The following SERPINE2 variants were observed in gnomAD, a reference collection of about 807,000 sequenced individuals.
SERPINE2 encodes the protein glia-derived nexin.
SERPINE2 carries 14 observed loss-of-function variants against 36.3 expected under a neutral mutation model. That is an observed-to-expected ratio of 0.39 (90% CI 0.25 to 0.60). The LOEUF is 0.60. Ranked by LOEUF, SERPINE2 falls within the 20% of genes least tolerant of loss-of-function variation. The pLI, the probability that SERPINE2 is intolerant of heterozygous loss-of-function variation, is 0.57. For missense variants in SERPINE2, 418 were observed against 499.6 expected (o/e 0.84, Z 1.56); for synonymous variants, 192 against 191.8 (o/e 1.00, Z -0.01).
chr2:223,979,939 C>T (rs1353425404), intron 7 of SERPINE2: 2 of 159,522 alleles, frequency 1.3e-5, no homozygotes, highest in Admixed American at 1.3e-4. Context: ...TATTGGAACA[C>T]AGCCACATCT....
At position 224,015,408 on chromosome 2, in the gene SERPINE2, T is replaced by TG. The variant is rs1453797293; in HGVS notation, c.-22-13487dup. On this transcript the variant is annotated intron_variant, in intron 1 of 8. Transcript: ENST00000409304. ...CATTGGAGGATGGACTGGAAGTGAC[T>TG]GGACAAAGGGGCGGAGAGATGGAAG... Among the ~76,000 whole-genome samples, 4 of 152,292 alleles carry TG rather than the reference T, an allele frequency of 2.6e-5. No homozygotes were observed. In the East Asian group the frequency reaches 7.7e-4, roughly 29 times the overall value.
chr2:224,031,035 C>A, intron 1 of SERPINE2: 1 of 985,322 alleles, frequency 1.0e-6, no homozygotes, highest in East Asian at 1.1e-4. Context: ...AGGGCTATCA[C>A]GCAGCACGGC....
intron 2 of SERPINE2, among the ~76,000 whole-genome samples, chr2:223,999,045 T>G (rs1291469208): frequency 6.6e-6 from 1 of 152,218 alleles, no homozygotes; most frequent in Non-Finnish European, 1.5e-5. Context: ...TGTCTAACGT[T>G]ATTAAGTGCT....
At position 223,991,868 on chromosome 2, in the gene SERPINE2, A is replaced by T; in HGVS notation, c.620T>A (p.Phe207Tyr). ...FQPENTKKRTFVAADGKSYQV... is the reference protein window; with the variant it reads ...FQPENTKKRTYVAADGKSYQV... ...ATAGGATTTCCCGTCGGCTGCCACG[A>T]AAGTGCGTTTCTTTGTGTTCTCGGG... is the stretch of plus-strand genomic sequence containing the variant. Residue 207 changes from phenylalanine (F) to tyrosine (Y), a missense_variant, in exon 4 of 9, where the codon TTC (phenylalanine) becomes TAC (tyrosine). Phe to Tyr is a conservative substitution (Grantham distance 22, BLOSUM62 3). Transcript: ENST00000409304. The T allele has an allele frequency of 6.2e-7, 1 of 1,613,430 alleles. No individual in the cohort carries two copies. Among genetic ancestry groups the T allele is most frequent in the Admixed American group, 1.7e-5 (1 of 59,820 alleles).
At chr2:224,000,289 G>T (rs10177151) in intron 2 of SERPINE2, among the ~76,000 whole-genome samples, 20 of 152,056 alleles carry the variant, frequency 1.3e-4, no homozygotes, top group East Asian at 5.8e-4. Flanking sequence ...GCCAGGAAGA[G>T]GGGGGGAGCC....
chr2:224,036,215 G>A (rs1188230650), intron 1 of SERPINE2, among the ~76,000 whole-genome samples: 2 of 151,952 alleles, frequency 1.3e-5, no homozygotes, highest in South Asian at 4.1e-4. Context: ...GAAGCTGTGG[G>A]AACATGGTTC....
intron 1 of SERPINE2, among the ~76,000 whole-genome samples, chr2:224,038,248 T>C (rs116337018): frequency 0.03 from 4,580 of 152,198 alleles, 184 homozygotes; most frequent in African/African-American, 0.09. Context: ...ATGCTAAATA[T>C]AAGAACGTCC....
rs770154931 is a variant in SERPINE2, at chr2:223,984,826, T to A, written c.810A>T (p.Pro270=). 6.2e-7 allele frequency: 1 copy of A among 1,614,032 alleles called. No homozygotes were observed. Among genetic ancestry groups the A allele is most frequent in the South Asian group, 1.1e-5 (1 of 91,070 alleles). The change falls in exon 5 of 9, where the codon CCA becomes CCT. Residue 270 remains proline, a synonymous_variant. Transcript: ENST00000409304. ...ESSTPLSAII[P]HISTKTIDSW... is the part of the protein sequence containing the mutation. ...TGTCTATGGTCTTGGTGCTGATGTG[T>A]GGGATGATGGCAGACAGCGGAGTGG...
chr2:223,979,153 T>C (rs1193855476), intron 7 of SERPINE2: 1 of 152,226 alleles, frequency 6.6e-6, no homozygotes, highest in African/African-American at 2.4e-5. Context: ...CAGGAGGACC[T>C]GGGCGGTTAC....
chr2:223,997,540 A>C (rs1290230855), intron 3 of SERPINE2, among the ~76,000 whole-genome samples: 1 of 152,210 alleles, frequency 6.6e-6, no homozygotes, highest in Non-Finnish European at 1.5e-5. Context: ...GTTTTAAAAC[A>C]CCAACGTTAG....
intron 1 of SERPINE2, among the ~76,000 whole-genome samples, chr2:224,020,670 A>C (rs977400880): frequency 6.6e-6 from 1 of 152,234 alleles, no homozygotes; most frequent in Non-Finnish European, 1.5e-5. Context: ...TAAATCTCAC[A>C]TGGATGAAAT....
intron 2 of SERPINE2, among the ~76,000 whole-genome samples, chr2:223,998,580 G>C (rs994369003): frequency 2.0e-5 from 3 of 152,060 alleles, no homozygotes; most frequent in Non-Finnish European, 4.4e-5. Flanking sequence ...AACTGGGTGT[G>C]GTGGCACGCC....
chr2:224,027,414 TGA>T (rs57409220), intron 1 of SERPINE2, among the ~76,000 whole-genome samples: 2,194 of 152,192 alleles, frequency 0.014, 62 homozygotes, highest in African/African-American at 0.051. Flanking sequence ...CTGTCCTAAC[TGA>T]GAGGGAGGGG....
At chr2:223,985,479 G>C (rs1208603516) in intron 4 of SERPINE2, among the ~76,000 whole-genome samples, 1 of 152,050 alleles carries the variant, frequency 6.6e-6, no homozygotes, top group Non-Finnish European at 1.5e-5. Flanking sequence ...TTTACTCATT[G>C]AGCAGGAATC....
chr2:224,000,677 C>A (rs1021344997), intron 2 of SERPINE2, among the ~76,000 whole-genome samples: 1 of 152,070 alleles, frequency 6.6e-6, no homozygotes, highest in Non-Finnish European at 1.5e-5. Flanking sequence ...CTAATGCTTT[C>A]CCTCCCCTTG....
chr2:224,019,771 A>ATTTT (rs1182167581), intron 1 of SERPINE2, among the ~76,000 whole-genome samples: 8 of 14,256 alleles, frequency 5.6e-4, no homozygotes, highest in African/African-American at 7.8e-4. Flanking sequence ...TTTTTAAAAA[A>ATTTT]AAAAAAAGAA....
At chr2:224,020,482 A>G (rs1309231912) in intron 1 of SERPINE2, among the ~76,000 whole-genome samples, 1 of 152,178 alleles carries the variant, frequency 6.6e-6, no homozygotes, top group East Asian at 1.9e-4. Flanking sequence ...ATGAAATGTG[A>G]AAGACTAGGA....
chr2:224,031,447 C>T (rs760136061), intron 1 of SERPINE2: 1 of 985,650 alleles, frequency 1.0e-6, no homozygotes, highest in Non-Finnish European at 1.2e-6. Context: ...CAGCACGGTC[C>T]TCTCCACTCC....
At chr2:224,028,365 T>C (rs529115653) in intron 1 of SERPINE2, among the ~76,000 whole-genome samples, 34 of 152,308 alleles carry the variant, frequency 2.2e-4, no homozygotes, top group African/African-American at 7.5e-4. Flanking sequence ...GAGAGGGAAG[T>C]ATTTTGCCTA....
Sources: allele counts gnomAD v4.1 joint callset (sites outside exome capture counted in the v4.1 genomes callset), GRCh38; gene constraint gnomAD v4.1.1; transcripts MANE v1.5; gene names NCBI Gene and HGNC (gene_info 2026-07-23, HGNC 2026-07-21).